The following ZFHX3 variants were observed in gnomAD, a reference collection of about 807,000 sequenced individuals.
ZFHX3 encodes the protein zinc finger homeobox protein 3.
In ZFHX3, 42 loss-of-function variants were observed where a neutral mutation model predicts 279.1. The ratio of observed to expected loss-of-function variants is 0.15; its 90% CI spans 0.12 to 0.19. The LOEUF (loss-of-function observed/expected upper bound fraction) is 0.19. ZFHX3 is among the 10% of genes least tolerant of loss of function. The pLI is 1.00. For synonymous variants in ZFHX3, 2,293 were observed against 1,957.8 expected (o/e 1.17, Z -4.52); for missense variants, 4,981 against 4,754.0 (o/e 1.05, Z -1.40).
At chr16:73,496,806 G>GT in intron 2 of ZFHX3, among the ~76,000 whole-genome samples, 1 of 152,262 alleles carries the variant, frequency 6.6e-6, no homozygotes, top group East Asian at 1.9e-4. Context: ...AGTCTGGGGG[G>GT]TGGGAGTGAG....
At chr16:73,139,287 A>G (rs1966840084) in intron 6 of ZFHX3, among the ~76,000 whole-genome samples, 1 of 152,198 alleles carries the variant, frequency 6.6e-6, no homozygotes. Flanking sequence ...CTGACATGGT[A>G]TATTGTTGCA....
intron 3 of ZFHX3, among the ~76,000 whole-genome samples, chr16:73,445,515 C>A (rs567668871): frequency 1.3e-5 from 2 of 152,178 alleles, no homozygotes; most frequent in East Asian, 3.9e-4. Flanking sequence ...AGGATAGTTC[C>A]AAATGGAACT....
rs200651358 is a variant in ZFHX3, at chr16:73,472,987, CTT to C, written c.-1546-16731_-1546-16730del. Among the ~76,000 whole-genome samples, 261 of 142,974 alleles carry C rather than the reference CTT, an allele frequency of 1.8e-3. 1 individual carries two copies. The highest frequency in any genetic ancestry group is 0.011 in the Middle Eastern group (3 of 276). The allele number at this position is 142,974 out of a possible 152,430, so 93.8% of individuals were successfully genotyped here. ...TAAACTAACACATTGAGTGTGCTGT[CTT>C]TTTTTTTTTTTTGCCAGGACCCTGA... On this transcript the variant is annotated intron_variant, in intron 2 of 17. Transcript: ENST00000641206.
intron 3 of ZFHX3, among the ~76,000 whole-genome samples, chr16:72,947,188 C>T (rs182854480): frequency 1.3e-5 from 2 of 152,298 alleles, no homozygotes; most frequent in Admixed American, 1.3e-4. Context: ...GGGCTTCCCC[C>T]GGATGCCTCG....
At chr16:73,839,230 C>T (rs185637546) in intron 1 of ZFHX3, among the ~76,000 whole-genome samples, 16 of 144,604 alleles carry the variant, frequency 1.1e-4, no homozygotes, top group Admixed American at 1.1e-3. Context: ...GGCATGGTGG[C>T]GGGCGCCTGT....
At chr16:73,720,428 T>C (rs1053805933) in intron 1 of ZFHX3, among the ~76,000 whole-genome samples, 3 of 152,246 alleles carry the variant, frequency 2.0e-5, no homozygotes, top group Non-Finnish European at 4.4e-5. Flanking sequence ...AATGTCCATT[T>C]CCGTAGCTAA....
chr16:73,657,446 A>G (rs7193389), intron 2 of ZFHX3, among the ~76,000 whole-genome samples: 9,002 of 152,290 alleles, frequency 0.059, 897 homozygotes, highest in African/African-American at 0.21. Flanking sequence ...TGACAGAGCA[A>G]GACTCCATCT....
At chr16:73,332,325 T>C (rs770795835) in intron 3 of ZFHX3, among the ~76,000 whole-genome samples, 1 of 152,216 alleles carries the variant, frequency 6.6e-6, no homozygotes, top group Non-Finnish European at 1.5e-5. Context: ...GAAAAGAACC[T>C]AACCTGTGTT....
intron 1 of ZFHX3, among the ~76,000 whole-genome samples, chr16:72,996,023 T>A (rs1377235685): frequency 6.6e-6 from 1 of 152,032 alleles, no homozygotes; most frequent in African/African-American, 2.4e-5. Flanking sequence ...ATCCCAACAC[T>A]TTGGGACACC....
At chr16:73,140,606 A>C (rs1966845043) in intron 6 of ZFHX3, among the ~76,000 whole-genome samples, 2 of 152,340 alleles carry the variant, frequency 1.3e-5, no homozygotes, top group South Asian at 4.1e-4. Flanking sequence ...TTGTAATCCC[A>C]GCACTTTGGG....
At chr16:73,505,032 AAGAG>A (rs756180039) in intron 2 of ZFHX3, 32 of 152,118 alleles carry the variant, frequency 2.1e-4, no homozygotes, top group African/African-American at 7.0e-4. Flanking sequence ...AAGAGAGAAA[AAGAG>A]AGAGAGAGGC....
chr16:73,016,757 G>A (rs1964115036), intron 1 of ZFHX3, among the ~76,000 whole-genome samples: 1 of 152,010 alleles, frequency 6.6e-6, no homozygotes, highest in Middle Eastern at 3.2e-3. Context: ...GGTGAACTGA[G>A]AATGTTCTCT....
intron 3 of ZFHX3, among the ~76,000 whole-genome samples, chr16:73,338,480 C>T (rs982403639): frequency 6.6e-6 from 1 of 152,072 alleles, no homozygotes; most frequent in Non-Finnish European, 1.5e-5. Context: ...CAGCTTGGTT[C>T]AGCCACATCT....
intron 3 of ZFHX3, among the ~76,000 whole-genome samples, chr16:72,944,252 T>C (rs568564673): frequency 3.9e-4 from 60 of 152,236 alleles, no homozygotes; most frequent in African/African-American, 1.4e-3. Flanking sequence ...GCCACTGCAC[T>C]CCCATGTGAG....
At chr16:72,867,516 C>T (rs2038051135) in intron 4 of ZFHX3, among the ~76,000 whole-genome samples, 2 of 152,170 alleles carry the variant, frequency 1.3e-5, no homozygotes, top group South Asian at 4.1e-4. Flanking sequence ...GAAGCAACAT[C>T]GTAATCCCAT....
rs2035809250 is a variant in ZFHX3, at chr16:72,794,067, T to C, written c.8615A>G (p.Asn2872Ser). 4 of 1,614,172 alleles carry C rather than the reference T, an allele frequency of 2.5e-6. No individual in the cohort carries two copies. The highest frequency in any genetic ancestry group is 1.1e-5 in the South Asian group (1 of 91,084). ...ATETKSSSAP[N>S]EGLTKAAMMA... is the part of the protein sequence containing the mutation. ...CATGGCCGCTTTGGTCAACCCTTCG[T>C]TGGGTGCAGAAGAGGATTTGGTTTC... The change falls in exon 9 of 10, where the codon AAC (asparagine) becomes AGC (serine). Residue 2872 changes from asparagine to serine, a missense_variant. Asn to Ser is a conservative substitution (Grantham distance 46, BLOSUM62 1). This residue lies in a region of ZFHX3 where 744 missense variants were observed against 701.3 expected (regional missense o/e 1.06). Transcript: ENST00000268489. This position sits in a 1 kb window ranked among gnomAD's most constrained non-coding sequence, Gnocchi z 4.2.
At chr16:72,994,354 C>T (rs1963201981) in intron 1 of ZFHX3, among the ~76,000 whole-genome samples, 1 of 152,220 alleles carries the variant, frequency 6.6e-6, no homozygotes, top group Non-Finnish European at 1.5e-5. Context: ...CTTCCACCTT[C>T]AGAAGGATTC....
At chr16:73,358,007 C>T (rs771210870) in intron 3 of ZFHX3, among the ~76,000 whole-genome samples, 4 of 152,206 alleles carry the variant, frequency 2.6e-5, no homozygotes, top group African/African-American at 9.6e-5. Flanking sequence ...CTTGCTGCTC[C>T]GTGAATCAGC....
chr16:73,103,296 A>G (rs1232851747), intron 7 of ZFHX3, among the ~76,000 whole-genome samples: 1 of 152,032 alleles, frequency 6.6e-6, no homozygotes, highest in Non-Finnish European at 1.5e-5. Flanking sequence ...GGCCGTGAGT[A>G]TCTCAGGTTC....
Sources: allele counts gnomAD v4.1 joint callset (sites outside exome capture counted in the v4.1 genomes callset), GRCh38; gene constraint gnomAD v4.1.1; regional missense constraint gnomAD v4.1.1; non-coding constraint Gnocchi (gnomAD v3.1); transcripts MANE v1.5; gene names NCBI Gene and HGNC (gene_info 2026-07-23, HGNC 2026-07-21).